SCRN3: variants seen among roughly 807,000 people sequenced by gnomAD.
SCRN3 encodes the protein secernin 3.
SCRN3 carries 39 observed loss-of-function variants against 43.1 expected under a neutral mutation model. The ratio of observed to expected loss-of-function variants is 0.91; its 90% CI spans 0.70 to 1.18. The LOEUF is 1.18. Among genes scored for constraint, SCRN3 ranks in the 50% most tolerant of loss-of-function variants. SCRN3 has a pLI of 0.00. For missense variants in SCRN3, 484 were observed against 498.0 expected (o/e 0.97, Z 0.27); for synonymous variants, 147 against 163.1 (o/e 0.90, Z 0.75).
Position 174,427,753 on chromosome 2 carries a change from A to T in SCRN3, c.1133A>T (p.Glu378Val). The change falls in exon 8 of 8, where the codon GAG (glutamate) becomes GTG (valine). Residue 378 changes from glutamate (E) to valine (V), a missense_variant. Coordinates refer to ENST00000272732, the MANE Select transcript of SCRN3 (RefSeq NM_024583.5). ...KIMLDNMRKL[E>V]KELFREMESI... The stretch of plus-strand genomic sequence containing the variant: ...ATGTTGGACAACATGAGGAAACTGG[A>T]GAAAGAACTATTCAGAGAGATGGAA... 6.2e-7 allele frequency: 1 copy of T among 1,607,896 alleles called. No homozygotes were observed. The highest frequency in any genetic ancestry group is 1.1e-5 in the South Asian group (1 of 89,610).
chr2:174,429,492 C>A lies in SCRN3; in HGVS notation c.*1597C>A, dbSNP rs1279463070. ...TTATTTTTTGGAGCAGTTTTAGGTT[C>A]ACAGCAAAATTGAACAGAAAGTACA... On this transcript the variant is annotated 3_prime_UTR_variant, in exon 8 of 8. Coordinates refer to ENST00000272732, the MANE Select transcript of SCRN3 (RefSeq NM_024583.5). 1 of 152,100 alleles carries A rather than the reference C, an allele frequency of 6.6e-6. No homozygotes were observed. Among genetic ancestry groups the A allele is most frequent in the Non-Finnish European group, 1.5e-5 (1 of 68,024 alleles). 9.4% of individuals were successfully genotyped at this position (152,100 alleles called of 1,614,324 possible).
intron 6 of SCRN3, among the ~76,000 whole-genome samples, chr2:174,424,056 G>C (rs748751185): frequency 7.2e-5 from 11 of 152,060 alleles, no homozygotes; most frequent in Admixed American, 2.0e-4. Context: ...CTCTGAAAGT[G>C]CTGGGATTAC....
chr2:174,420,006 T>G (rs150348435), intron 5 of SCRN3, among the ~76,000 whole-genome samples: 1 of 152,042 alleles, frequency 6.6e-6, no homozygotes. Context: ...AGGGCCTAGA[T>G]CCTGAAGGCT....
intron 6 of SCRN3, among the ~76,000 whole-genome samples, chr2:174,423,348 T>C (rs1158053146): frequency 6.6e-6 from 1 of 152,266 alleles, no homozygotes; most frequent in Non-Finnish European, 1.5e-5. Flanking sequence ...TCAGATATGA[T>C]ATTAGATAAT....
intron 5 of SCRN3, among the ~76,000 whole-genome samples, chr2:174,420,077 A>G (rs959921832): frequency 6.6e-6 from 1 of 152,164 alleles, no homozygotes; most frequent in Non-Finnish European, 1.5e-5. Flanking sequence ...TCTTAACGCA[A>G]TTGCCAACTT....
intron 6 of SCRN3, among the ~76,000 whole-genome samples, chr2:174,423,312 A>T (rs1686360176): frequency 6.6e-6 from 1 of 152,218 alleles, no homozygotes; most frequent in African/African-American, 2.4e-5. Context: ...AAGAAAAGAA[A>T]GTAGATAGAT....
intron 5 of SCRN3, among the ~76,000 whole-genome samples, chr2:174,421,471 A>G (rs1286991030): frequency 2.0e-5 from 3 of 152,162 alleles, no homozygotes; most frequent in Admixed American, 6.5e-5. Context: ...GGAGCACTCT[A>G]TTTTTCACAG....
At chr2:174,421,014 A>G (rs1274880575) in intron 5 of SCRN3, among the ~76,000 whole-genome samples, 1 of 152,196 alleles carries the variant, frequency 6.6e-6, no homozygotes, top group Non-Finnish European at 1.5e-5. Context: ...AGCCACACCT[A>G]GGCCCATCAT....
chr2:174,400,203 A>G, intron 3 of SCRN3, 100 bp downstream of exon 3: 1 of 854,856 alleles, frequency 1.2e-6, no homozygotes, highest in Non-Finnish European at 1.8e-6. Flanking sequence ...GGGGGCTTTG[A>G]TACTTTGCAG....
intron 5 of SCRN3, among the ~76,000 whole-genome samples, chr2:174,421,803 A>G (rs560943157): frequency 6.6e-6 from 1 of 152,364 alleles, no homozygotes; most frequent in South Asian, 2.1e-4. Flanking sequence ...AGACGAACAC[A>G]GTAGAAATTA....
chr2:174,405,729 G>A (rs1231011757), intron 5 of SCRN3, among the ~76,000 whole-genome samples: 2 of 150,290 alleles, frequency 1.3e-5, no homozygotes, highest in African/African-American at 4.8e-5. Context: ...TTTCCCCATT[G>A]CTTGTTTTTC....
At chr2:174,400,211 C>T in intron 3 of SCRN3, 108 bp downstream of exon 3, 1 of 770,244 alleles carries the variant, frequency 1.3e-6, no homozygotes, top group South Asian at 2.2e-5. Context: ...TGATACTTTG[C>T]AGTTTGTGTC....
chr2:174,423,171 T>C (rs1381646164), intron 6 of SCRN3, 124 bp downstream of exon 6: 1 of 684,964 alleles, frequency 1.5e-6, no homozygotes, highest in Non-Finnish European at 2.3e-6. Context: ...TTTAATATAT[T>C]TTCTGTTCAG....
chr2:174,416,158 G>A (rs997876958), intron 5 of SCRN3, among the ~76,000 whole-genome samples: 1 of 152,162 alleles, frequency 6.6e-6, no homozygotes, highest in Non-Finnish European at 1.5e-5. Flanking sequence ...CCTGCACAAG[G>A]GGGTAAGTAG....
At position 174,424,599 on chromosome 2, in the gene SCRN3, C is replaced by T. The variant is rs766984989; in HGVS notation, c.1042C>T (p.Pro348Ser). 2 of 1,613,046 alleles carry T rather than the reference C, an allele frequency of 1.2e-6. No homozygotes were observed. Among genetic ancestry groups the T allele is most frequent in the Admixed American group, 3.3e-5 (2 of 59,984 alleles). The change falls in exon 7 of 8, where the codon CCA becomes TCA. Residue 348 changes from proline to serine, a missense_variant. Coordinates refer to ENST00000272732, the MANE Select transcript of SCRN3 (RefSeq NM_024583.5). The stretch of plus-strand genomic sequence containing the variant: ...ACATTTTAAGCCTGACAGAAGACAC[C>T]CACTCTACCAAAAACATCAACAGGC... ...KSHFKPDRRH[P>S]LYQKHQQALE...
At chr2:174,400,444 A>T (rs1685467946) in intron 3 of SCRN3, among the ~76,000 whole-genome samples, 1 of 151,852 alleles carries the variant, frequency 6.6e-6, no homozygotes, top group African/African-American at 2.4e-5. Flanking sequence ...GTGCCACCAC[A>T]CCTGGCTAAT....
At chr2:174,396,316 C>A (rs1685306846) in intron 1 of SCRN3, 3 of 986,564 alleles carry the variant, frequency 3.0e-6, no homozygotes, top group African/African-American at 3.5e-5. Context: ...AAGGCTTCAC[C>A]TCCTCAGTGG....
rs879821168 is a variant in SCRN3, at chr2:174,405,921, G to C, written c.754+1606G>C. On this transcript the variant is annotated intron_variant, in intron 5 of 7. Transcript: ENST00000272732. ...CCTCCAGCTTTGTTCTTTTGGCTTAGGATTGACTTGGCGATGCGGGCTCTT... is the reference window on the plus strand; with the variant it reads ...CCTCCAGCTTTGTTCTTTTGGCTTACGATTGACTTGGCGATGCGGGCTCTT... Among the ~76,000 whole-genome samples the C allele has an allele frequency of 4.9e-5, 7 of 143,734 alleles. No individual in the cohort carries two copies. The Admixed American group carries it at 4.9e-4, about 10-fold the overall frequency. The allele number at this position is 143,734 out of a possible 152,430, so 94.3% of individuals were successfully genotyped here. A position where few individuals can be genotyped will look rare whatever the true frequency, so the allele number is the denominator to read the frequency against.
intron 1 of SCRN3, chr2:174,396,184 C>G (rs1685300735): frequency 1.2e-6 from 1 of 804,408 alleles, no homozygotes; most frequent in Non-Finnish European, 1.6e-6. Flanking sequence ...GAATGACAGA[C>G]AGCTCTGCAA....
Sources: gnomAD v4.1 joint callset for allele counts (sites outside exome capture counted in the v4.1 genomes callset) on GRCh38, gnomAD v4.1.1 for gene constraint, MANE v1.5 for transcripts, NCBI Gene and HGNC (gene_info 2026-07-23, HGNC 2026-07-21) for gene names.